LEKR1: variants seen among roughly 807,000 people sequenced by gnomAD.
LEKR1 encodes leucine, glutamate and lysine rich 1.
LEKR1 carries 59 observed loss-of-function variants against 72.4 expected under a neutral mutation model. The observed-to-expected ratio is 0.82, with a 90% CI of 0.66 to 1.01. The LOEUF (loss-of-function observed/expected upper bound fraction) is 1.01, where lower values mean the gene tolerates loss of function less well. Ranked by LOEUF, LEKR1 falls within the 50% of genes least tolerant of loss-of-function variation. The pLI is 0.00. For synonymous variants in LEKR1, 257 were observed against 263.2 expected, an observed-to-expected ratio of 0.98 and a Z score of 0.23; for missense variants, 728 against 759.2, an observed-to-expected ratio of 0.96 and a Z score of 0.48.
chr3:156,987,921 A>G (rs1248444822), intron 7 of LEKR1, among the ~76,000 whole-genome samples: 6 of 152,250 alleles, frequency 3.9e-5, no homozygotes, highest in East Asian at 3.8e-4. Flanking sequence ...TGTTGAACCA[A>G]TCTGGGAGAT....
intron 2 of LEKR1, among the ~76,000 whole-genome samples, chr3:156,836,432 A>G (rs55951025): frequency 0.066 from 10,031 of 152,308 alleles, 397 homozygotes; most frequent in African/African-American, 0.1. Flanking sequence ...CTCAAAAAAA[A>G]CAAGATCCAA....
chr3:157,015,484 G>A lies in LEKR1; in HGVS notation c.1203+3978G>A, dbSNP rs191430954. Among the ~76,000 whole-genome samples, 199 of 152,270 alleles carry A rather than the reference G, an allele frequency of 1.3e-3. 1 individual carries two copies. Among genetic ancestry groups the A allele is most frequent in the Non-Finnish European group, 5.4e-4 (37 of 68,012 alleles). On this transcript the variant is annotated intron_variant, in intron 10 of 12. Transcript: ENST00000356539. ...TCAAAAGGGTCTTGCATCACAAGTT[G>A]AGAATACTTAGCCCTAGATGAAATG... is the stretch of plus-strand genomic sequence containing the variant.
chr3:157,030,811 T>G (rs1238042444), intron 12 of LEKR1, among the ~76,000 whole-genome samples: 1 of 152,174 alleles, frequency 6.6e-6, no homozygotes, highest in African/African-American at 2.4e-5. Context: ...ATATGGTTTT[T>G]GGCAGAATGT....
chr3:156,954,458 C>T (rs1727441805), intron 6 of LEKR1, among the ~76,000 whole-genome samples: 1 of 151,986 alleles, frequency 6.6e-6, no homozygotes, highest in African/African-American at 2.4e-5. Flanking sequence ...ATGATATTGC[C>T]TAGATTTTCT....
intron 4 of LEKR1, among the ~76,000 whole-genome samples, chr3:156,921,429 C>A (rs1295198316): frequency 6.6e-6 from 1 of 152,016 alleles, no homozygotes; most frequent in African/African-American, 2.4e-5. Context: ...TTTCTGTGGG[C>A]TAATAATTTT....
At position 157,020,816 on chromosome 3, in the gene LEKR1, A is replaced by T. The variant is rs529904510; in HGVS notation, c.1204-3944A>T. ...CCCAGTAATGGGATTGCTGGGTCAA[A>T]TGGTATTTCTAGTTCTAGATCCCTG... On this transcript the variant is annotated intron_variant, in intron 10 of 12. Coordinates refer to ENST00000356539, the MANE Select transcript of LEKR1 (RefSeq NM_001004316.3). 2.5e-3 allele frequency among the ~76,000 whole-genome samples: 384 copies of T among 152,114 alleles called. 4 individuals carry two copies. The highest frequency in any genetic ancestry group is 8.7e-3 in the African/African-American group (362 of 41,510).
chr3:156,941,715 T>A (rs1479985893), intron 5 of LEKR1, among the ~76,000 whole-genome samples: 1 of 152,114 alleles, frequency 6.6e-6, no homozygotes, highest in Non-Finnish European at 1.5e-5. Flanking sequence ...TAATTGTGGT[T>A]GTACAAATTT....
At chr3:156,981,127 G>A (rs557651606) in intron 7 of LEKR1, among the ~76,000 whole-genome samples, 15 of 152,194 alleles carry the variant, frequency 9.9e-5, no homozygotes, top group South Asian at 4.2e-4. Flanking sequence ...AGGCTATATC[G>A]TATAGCCTAC....
At chr3:156,843,136 T>G (rs2108533224) in intron 2 of LEKR1, among the ~76,000 whole-genome samples, 1 of 152,354 alleles carries the variant, frequency 6.6e-6, no homozygotes, top group Non-Finnish European at 1.5e-5. Context: ...AGTACTGTTC[T>G]GGGTTTAGGA....
chr3:156,872,571 G>A lies in LEKR1; in HGVS notation c.263+19589G>A, dbSNP rs573435542. On this transcript the variant is annotated intron_variant, in intron 3 of 12. Transcript: ENST00000356539. ...GAAATCTGTCTATTGTTTGATATAG[G>A]TGTTTATTGCTAAAAGCTTCCCTCT... is the stretch of plus-strand genomic sequence containing the variant. Among the ~76,000 whole-genome samples the A allele has an allele frequency of 2.0e-5, 3 of 152,034 alleles. No homozygotes were observed. In the South Asian group the frequency reaches 6.2e-4, roughly 32 times the overall value.
Position 156,870,004 on chromosome 3 carries a change from C to T in LEKR1, c.263+17022C>T, listed in dbSNP as rs140585146. Among the ~76,000 whole-genome samples, 498 of 152,122 alleles carry T rather than the reference C, an allele frequency of 3.3e-3. 4 individuals carry two copies. Among genetic ancestry groups the T allele is most frequent in the Non-Finnish European group, 3.0e-3 (203 of 67,970 alleles). The stretch of plus-strand genomic sequence containing the variant: ...TGTTCTTGGTGCCTTTGTTGAAAAT[C>T]CTCTGGCTGGAAATATGTCAGTTTA... On this transcript the variant is annotated intron_variant, in intron 3 of 12. Coordinates refer to ENST00000356539, the MANE Select transcript of LEKR1 (RefSeq NM_001004316.3).
At chr3:156,846,693 A>G (rs997574415) in intron 2 of LEKR1, among the ~76,000 whole-genome samples, 1 of 152,188 alleles carries the variant, frequency 6.6e-6, no homozygotes, top group Non-Finnish European at 1.5e-5. Flanking sequence ...TCTTAGAAGG[A>G]TTAGTATTTC....
At chr3:156,836,025 C>T (rs1713095582) in intron 2 of LEKR1, among the ~76,000 whole-genome samples, 1 of 151,740 alleles carries the variant, frequency 6.6e-6, no homozygotes. Flanking sequence ...AGGCATGTAC[C>T]ACCATGCCTG....
intron 2 of LEKR1, among the ~76,000 whole-genome samples, chr3:156,832,410 A>G (rs1712538178): frequency 6.6e-6 from 1 of 152,214 alleles, no homozygotes; most frequent in Non-Finnish European, 1.5e-5. Flanking sequence ...TTCTCTCTCC[A>G]GTTCCCCATT....
chr3:156,890,068 G>A (rs1576751884), intron 3 of LEKR1, among the ~76,000 whole-genome samples: 1 of 152,138 alleles, frequency 6.6e-6, no homozygotes, highest in African/African-American at 2.4e-5. Context: ...GCAAAATTGT[G>A]ATGTTTAAAT....
intron 3 of LEKR1, among the ~76,000 whole-genome samples, chr3:156,906,673 C>G (rs1331798416): frequency 6.6e-6 from 1 of 152,226 alleles, no homozygotes; most frequent in African/African-American, 2.4e-5. Context: ...TCATTTTTAA[C>G]CATATCATTT....
chr3:156,855,425 A>G (rs2633815), intron 3 of LEKR1, among the ~76,000 whole-genome samples: 46,155 of 151,952 alleles, frequency 0.3, 9,979 homozygotes, highest in African/African-American at 0.61. Context: ...TTAGACATTT[A>G]TATTGATTAC....
chr3:156,996,851 G>A (rs970461342), intron 9 of LEKR1, among the ~76,000 whole-genome samples: 6 of 152,106 alleles, frequency 3.9e-5, no homozygotes, highest in Non-Finnish European at 7.4e-5. Context: ...GATCATCTAA[G>A]GTCAGTGGTT....
chr3:156,933,734 G>A (rs1425231498), intron 5 of LEKR1, among the ~76,000 whole-genome samples: 1 of 152,060 alleles, frequency 6.6e-6, no homozygotes, highest in African/African-American at 2.4e-5. Flanking sequence ...AAACTTTTAA[G>A]CCAACTATCC....
Sources: gnomAD v4.1 joint callset for allele counts (sites outside exome capture counted in the v4.1 genomes callset) on GRCh38, gnomAD v4.1.1 for gene constraint, MANE v1.5 for transcripts, NCBI Gene and HGNC (gene_info 2026-07-23, HGNC 2026-07-21) for gene names.